The following CLASP1 variants were observed in gnomAD, a reference collection of about 807,000 sequenced individuals.
CLASP1 encodes the protein cytoplasmic linker associated protein 1, also known as CLIP-associating protein 1.
CLASP1 carries 38 observed loss-of-function variants against 192.3 expected under a neutral mutation model. That is an observed-to-expected ratio of 0.20 (90% CI 0.15 to 0.26). The LOEUF is 0.26. Among genes scored for constraint, CLASP1 ranks in the 10% least tolerant of loss-of-function variants. CLASP1 has a pLI of 1.00. For missense variants in CLASP1, 1,433 were observed against 1,932.5 expected, an observed-to-expected ratio of 0.74 and a Z score of 4.85; for synonymous variants, 691 against 712.8, an observed-to-expected ratio of 0.97 and a Z score of 0.49.
At chr2:121,581,314 C>T (rs2061132457) in intron 2 of CLASP1, among the ~76,000 whole-genome samples, 1 of 136,936 alleles carries the variant, frequency 7.3e-6, no homozygotes, top group Admixed American at 7.8e-5. Context: ...GTCGCCCAGG[C>T]CGGACTGCGG....
chr2:121,413,609 C>T (rs2078082676), intron 23 of CLASP1, among the ~76,000 whole-genome samples: 2 of 152,158 alleles, frequency 1.3e-5, no homozygotes, highest in South Asian at 4.1e-4. Flanking sequence ...TTACCTGAAT[C>T]CTGATCTTGT....
At chr2:121,420,368 G>A (rs775325530) in intron 22 of CLASP1, among the ~76,000 whole-genome samples, 1 of 152,158 alleles carries the variant, frequency 6.6e-6, no homozygotes, top group Non-Finnish European at 1.5e-5. Context: ...TAAAAAACTA[G>A]GGAGCGTGTG....
intron 2 of CLASP1, chr2:121,603,308 C>T (rs975674325): frequency 5.3e-5 from 8 of 151,596 alleles, no homozygotes; most frequent in African/African-American, 1.9e-4. Context: ...CAATGGCCAA[C>T]AAATATATGA....
chr2:121,403,223 G>A (rs562224597), intron 26 of CLASP1, among the ~76,000 whole-genome samples: 16 of 152,302 alleles, frequency 1.1e-4, no homozygotes, highest in African/African-American at 3.1e-4. Context: ...TGAGTGAGGA[G>A]AGCTGTTGTG....
At chr2:121,582,621 G>A (rs1367846627) in intron 2 of CLASP1, among the ~76,000 whole-genome samples, 1 of 150,868 alleles carries the variant, frequency 6.6e-6, no homozygotes, top group Non-Finnish European at 1.5e-5. Flanking sequence ...AAAGGAAAGG[G>A]AAAGGGAAAG....
At chr2:121,410,741 C>T (rs1394544387) in intron 24 of CLASP1, 125 bp downstream of exon 25, 4 of 577,466 alleles carry the variant, frequency 6.9e-6, no homozygotes, top group Non-Finnish European at 1.2e-5. Flanking sequence ...CCAACATTAA[C>T]ACAATTTTAA....
At chr2:121,477,186 G>A (rs1159472575) in intron 8 of CLASP1, among the ~76,000 whole-genome samples, 1 of 152,182 alleles carries the variant, frequency 6.6e-6, no homozygotes, top group African/African-American at 2.4e-5. Context: ...CTAGAACAGA[G>A]TCTGGGCCAA....
intron 19 of CLASP1, among the ~76,000 whole-genome samples, chr2:121,433,191 G>A (rs911855720): frequency 6.6e-6 from 1 of 151,870 alleles, no homozygotes; most frequent in African/African-American, 2.4e-5. Context: ...GCATGGTGGC[G>A]CATGTCTGTA....
chr2:121,628,874 G>A (rs2068902229), intron 1 of CLASP1, among the ~76,000 whole-genome samples: 2 of 143,724 alleles, frequency 1.4e-5, no homozygotes, highest in South Asian at 2.2e-4. Context: ...CTGACAGAGC[G>A]AGACTCCATC....
intron 14 of CLASP1, among the ~76,000 whole-genome samples, chr2:121,454,881 C>T (rs2086292212): frequency 1.3e-5 from 2 of 152,204 alleles, no homozygotes; most frequent in African/African-American, 4.8e-5. Flanking sequence ...ACAGCCACAG[C>T]TGCAACAAAT....
intron 2 of CLASP1, chr2:121,531,156 C>T (rs117395952): frequency 2.0e-5 from 12 of 611,644 alleles, no homozygotes; most frequent in East Asian, 2.8e-5. Flanking sequence ...GGTGATTAAA[C>T]GGGAAGGATT....
At chr2:121,474,519 G>A (rs776564699) in intron 8 of CLASP1, among the ~76,000 whole-genome samples, 18 of 152,090 alleles carry the variant, frequency 1.2e-4, no homozygotes, top group Non-Finnish European at 2.2e-4. Flanking sequence ...GGCAGATCAC[G>A]AGGTCAGGAG....
chr2:121,482,906 A>G (rs569051907), intron 8 of CLASP1, among the ~76,000 whole-genome samples: 3 of 152,286 alleles, frequency 2.0e-5, no homozygotes, highest in Non-Finnish European at 4.4e-5. Flanking sequence ...GGACAGACTC[A>G]GGGTAAGATG....
At chr2:121,388,026 T>A in intron 30 of CLASP1, 120 bp from the exon 32 acceptor site, 4 of 712,436 alleles carry the variant, frequency 5.6e-6, no homozygotes, top group South Asian at 2.2e-5. Context: ...ATTCTAGGCA[T>A]CAAAAACAAA....
At chr2:121,627,478 G>A (rs571442485) in intron 1 of CLASP1, among the ~76,000 whole-genome samples, 2 of 152,246 alleles carry the variant, frequency 1.3e-5, no homozygotes, top group South Asian at 2.1e-4. Flanking sequence ...ATATCAAGAC[G>A]CTTTCCTGCA....
intron 14 of CLASP1, among the ~76,000 whole-genome samples, chr2:121,455,133 T>C (rs1382979214): frequency 2.0e-5 from 3 of 152,186 alleles, no homozygotes; most frequent in African/African-American, 2.4e-5. Flanking sequence ...CAAGGGTAGA[T>C]TGCATTCCCT....
At chr2:121,535,706 T>A (rs1454609636) in intron 2 of CLASP1, among the ~76,000 whole-genome samples, 1 of 151,778 alleles carries the variant, frequency 6.6e-6, no homozygotes, top group Admixed American at 6.6e-5. Flanking sequence ...TGGAGTGTAG[T>A]TGCGTGATTT....
At chr2:121,498,250 C>T (rs1357819223) in intron 8 of CLASP1, among the ~76,000 whole-genome samples, 18 of 139,628 alleles carry the variant, frequency 1.3e-4, no homozygotes, top group Admixed American at 1.0e-3. Flanking sequence ...CAGGCTGGAG[C>T]GCAGTGGTAC....
chr2:121,468,923 G>A (rs747894629), intron 9 of CLASP1, among the ~76,000 whole-genome samples: 1 of 152,110 alleles, frequency 6.6e-6, no homozygotes, highest in Non-Finnish European at 1.5e-5. Flanking sequence ...TGAAGGAAAA[G>A]GGGTACTCCG....
Sources: allele counts gnomAD v4.1 joint callset (sites outside exome capture counted in the v4.1 genomes callset), GRCh38; gene constraint gnomAD v4.1.1; transcripts MANE v1.5; gene names NCBI Gene and HGNC (gene_info 2026-07-23, HGNC 2026-07-21).